Variants in SNX25 observed in about 807,000 individuals in gnomAD.
SNX25 encodes sorting nexin 25, also known as sorting nexin-25.
A neutral mutation model predicts 113.7 loss-of-function variants in SNX25; 62 were observed. The ratio of observed to expected loss-of-function variants is 0.55; its 90% confidence interval spans 0.44 to 0.67. SNX25 has a LOEUF of 0.67. Ranked by LOEUF, SNX25 falls within the 30% of genes least tolerant of loss-of-function variation. The probability of loss-of-function intolerance (pLI) is 0.00; values close to 1 mark genes in which losing one functional copy is unlikely to be tolerated. For missense variants in SNX25, 1,014 were observed against 1,161.0 expected (o/e 0.87, Z 1.84); for synonymous variants, 421 against 436.2 (o/e 0.97, Z 0.43).
At chr4:185,364,280 G>A (rs572671045), downstream of SNX25, 71 of 152,234 alleles carry the variant, frequency 4.7e-4, no homozygotes, top group African/African-American at 1.6e-3. Context: ...TCAGGGGCTC[G>A]GTTGTATTAT....
At chr4:185,218,486 A>C (rs1739255775) in intron 1 of SNX25, among the ~76,000 whole-genome samples, 1 of 152,212 alleles carries the variant, frequency 6.6e-6, no homozygotes, top group Admixed American at 6.5e-5. Flanking sequence ...CTTTGGGAGA[A>C]GGCAGCTAGG....
At chr4:185,218,172 C>T (rs1158146783) in intron 1 of SNX25, among the ~76,000 whole-genome samples, 3 of 152,294 alleles carry the variant, frequency 2.0e-5, no homozygotes, top group Non-Finnish European at 4.4e-5. Flanking sequence ...GCAACCTCTG[C>T]CTCCCGGGTT....
At chr4:185,256,256 T>A (rs1199165264) in intron 2 of SNX25, among the ~76,000 whole-genome samples, 2 of 152,204 alleles carry the variant, frequency 1.3e-5, no homozygotes, top group African/African-American at 4.8e-5. Flanking sequence ...AGTTATCTTA[T>A]CCCTACAACT....
At chr4:185,316,652 A>G (rs1403110028) in intron 7 of SNX25, among the ~76,000 whole-genome samples, 1 of 152,212 alleles carries the variant, frequency 6.6e-6, no homozygotes, top group Non-Finnish European at 1.5e-5. Context: ...CTTTTCTTTA[A>G]GGCCAATTTA....
At chr4:185,216,513 GTTTTTTTTTTTTT>G (rs34410263) in intron 1 of SNX25, among the ~76,000 whole-genome samples, 17 of 96,738 alleles carry the variant, frequency 1.8e-4, no homozygotes, top group Middle Eastern at 6.3e-3. Flanking sequence ...TGTGTATTTG[GTTTTTTTTTTTTT>G]TTTTTTTTTT....
At chr4:185,371,539 C>CT (rs1561076330), downstream of SNX25, among the ~76,000 whole-genome samples, 3 of 42,398 alleles carry the variant, frequency 7.1e-5, no homozygotes, top group Non-Finnish European at 1.3e-4. Flanking sequence ...GAGACTCCGT[C>CT]TAAAAAAAAA....
At chr4:185,265,791 G>A (rs78022486) in intron 4 of SNX25, among the ~76,000 whole-genome samples, 2 of 151,884 alleles carry the variant, frequency 1.3e-5, no homozygotes, top group African/African-American at 4.8e-5. Context: ...ACTATTGACA[G>A]TGCAATAGGT....
At chr4:185,322,821 T>G (rs1247060566) in intron 8 of SNX25, among the ~76,000 whole-genome samples, 5 of 152,234 alleles carry the variant, frequency 3.3e-5, no homozygotes, top group Non-Finnish European at 1.5e-5. Flanking sequence ...CTAGCAACAT[T>G]GATTTGGATG....
chr4:185,377,023 T>A, the SNX25 span: 4 of 1,590,242 alleles, frequency 2.5e-6, no homozygotes. Context: ...TGTAATCTGA[T>A]TTTAAAAAGG....
chr4:185,371,540 TAAAAAAAA>T (rs11288148), downstream of SNX25, among the ~76,000 whole-genome samples: 3 of 78,302 alleles, frequency 3.8e-5, no homozygotes, highest in Non-Finnish European at 7.4e-5. Flanking sequence ...AGACTCCGTC[TAAAAAAAA>T]AAAAAAAAAA....
rs748210086 is a variant in SNX25 at position 185,351,443 on chromosome 4, A to G, written c.2302-2A>G. On this transcript the variant is annotated splice_acceptor_variant, in intron 13 of 18. Transcript: ENST00000652585. LOFTEE classifies it high-confidence loss of function. ...GAGCAGTTAATCCTCTTTCTTCCAT[A>G]GAATCTGCTTTCAGATGAAAGACTG... 1.2e-6 allele frequency: 2 copies of G among 1,612,942 alleles called. No individual in the cohort carries two copies. Among genetic ancestry groups the G allele is most frequent in the Non-Finnish European group, 1.7e-6 (2 of 1,179,674 alleles).
intron 9 of SNX25, among the ~76,000 whole-genome samples, chr4:185,324,532 C>T (rs980722704): frequency 4.7e-5 from 7 of 149,948 alleles, no homozygotes; most frequent in Non-Finnish European, 7.4e-5. Context: ...GGAATGTCTC[C>T]GATCAGAGGG....
chr4:185,225,774 C>T (rs1337505266), intron 1 of SNX25, among the ~76,000 whole-genome samples: 2 of 152,144 alleles, frequency 1.3e-5, no homozygotes, highest in Non-Finnish European at 2.9e-5. Context: ...CTGTTATTCT[C>T]ATGTTGTGGA....
rs115774360 is a variant in SNX25, at chr4:185,278,766, A to T, written c.1092-9246A>T. ...ATTCAGTAAACATTCTGAATAAAAAAGCTTAATGTAAGAATTGAGAATGAA... is the reference window on the plus strand; with the variant it reads ...ATTCAGTAAACATTCTGAATAAAAATGCTTAATGTAAGAATTGAGAATGAA... On this transcript the variant is annotated intron_variant, in intron 5 of 18. Coordinates refer to ENST00000652585, the MANE Select transcript of SNX25 (RefSeq NM_001378034.2). Among the ~76,000 whole-genome samples the T allele has an allele frequency of 3.9e-3, 587 of 152,362 alleles. 2 individuals carry two copies. The highest frequency in any genetic ancestry group is 0.013 in the African/African-American group (539 of 41,592).
chr4:185,294,388 G>C (rs1218378517), intron 6 of SNX25, among the ~76,000 whole-genome samples: 1 of 152,060 alleles, frequency 6.6e-6, no homozygotes, highest in Non-Finnish European at 1.5e-5. Flanking sequence ...TATTTCTCTA[G>C]GACTCAGTTG....
At chr4:185,315,582 CTG>C (rs1317036413) in intron 7 of SNX25, among the ~76,000 whole-genome samples, 1 of 152,174 alleles carries the variant, frequency 6.6e-6, no homozygotes, top group African/African-American at 2.4e-5. Flanking sequence ...GCATGAGCCA[CTG>C]TGTCTGGCCT....
chr4:185,247,180 C>T (rs1051171881), intron 1 of SNX25, 114 bp from the exon 2 acceptor site: 13 of 683,122 alleles, frequency 1.9e-5, no homozygotes, highest in African/African-American at 9.4e-5. Context: ...TTCTGTTATT[C>T]GTTAAGCCTT....
chr4:185,217,524 C>T (rs543982184), intron 1 of SNX25, among the ~76,000 whole-genome samples: 15 of 152,288 alleles, frequency 9.8e-5, no homozygotes, highest in African/African-American at 3.4e-4. Context: ...GTTGAATGTT[C>T]TACTTGGCAC....
chr4:185,294,662 A>T (rs1160686911), intron 6 of SNX25, among the ~76,000 whole-genome samples: 1 of 152,206 alleles, frequency 6.6e-6, no homozygotes, highest in East Asian at 1.9e-4. Flanking sequence ...GTCAAATATC[A>T]GTAAAGCTGA....
Sources: gnomAD v4.1 joint callset for allele counts (sites outside exome capture counted in the v4.1 genomes callset) on GRCh38, gnomAD v4.1.1 for gene constraint, MANE v1.5 for transcripts, NCBI Gene and HGNC (gene_info 2026-07-23, HGNC 2026-07-21) for gene names.